The following TRHDE variants were observed in gnomAD, a reference collection of about 807,000 sequenced individuals.
The protein encoded by TRHDE is thyrotropin releasing hormone degrading enzyme, also known as thyrotropin-releasing hormone-degrading ectoenzyme.
Under a neutral mutation model 125.7 loss-of-function variants are expected in TRHDE, and 72 were observed. The ratio of observed to expected loss-of-function variants is 0.57; its 90% CI spans 0.47 to 0.70. TRHDE has a LOEUF of 0.70. Ranked by LOEUF, TRHDE falls within the 30% of genes least tolerant of loss-of-function variation. The probability of loss-of-function intolerance (pLI) is 0.00; values close to 1 mark genes in which losing one functional copy is unlikely to be tolerated. For synonymous variants in TRHDE, 509 were observed against 509.1 expected (o/e 1.00, Z 0.00); for missense variants, 1,110 against 1,327.1 (o/e 0.84, Z 2.54).
At chr12:72,414,818 C>T (rs1873662887) in intron 3 of TRHDE, among the ~76,000 whole-genome samples, 1 of 152,094 alleles carries the variant, frequency 6.6e-6, no homozygotes. Context: ...GATCTCTTTA[C>T]ATACATTAAA....
At chr12:72,632,731 CAAAA>C (rs35575828) in intron 15 of TRHDE, among the ~76,000 whole-genome samples, 2 of 127,470 alleles carry the variant, frequency 1.6e-5, no homozygotes, top group Admixed American at 7.8e-5. Context: ...AACATTGGAC[CAAAA>C]AAAAAAAAAA....
At chr12:72,245,235 T>TTGTGTG (rs760361021) in intron 2 of TRHDE, among the ~76,000 whole-genome samples, 53 of 142,062 alleles carry the variant, frequency 3.7e-4, no homozygotes, top group Non-Finnish European at 1.7e-4. Flanking sequence ...ATATCTATGT[T>TTGTGTG]TGTGTGTATG....
chr12:72,287,420 C>G (rs1407293938), intron 2 of TRHDE, among the ~76,000 whole-genome samples: 1 of 152,122 alleles, frequency 6.6e-6, no homozygotes, highest in Admixed American at 6.6e-5. Flanking sequence ...AATGTTATTG[C>G]TGAGAAAGTA....
chr12:72,498,846 C>G (rs1056785828), intron 5 of TRHDE, among the ~76,000 whole-genome samples: 5 of 152,082 alleles, frequency 3.3e-5, no homozygotes, highest in African/African-American at 9.7e-5. Flanking sequence ...ACCTATTGAT[C>G]TCTACTTTAT....
intron 2 of TRHDE, among the ~76,000 whole-genome samples, chr12:72,235,714 G>A (rs1388463118): frequency 6.6e-6 from 1 of 152,180 alleles, no homozygotes; most frequent in Non-Finnish European, 1.5e-5. Flanking sequence ...GGTAGGCTTA[G>A]GCTGAAGGGT....
chr12:72,505,485 A>G (rs1878319682), intron 6 of TRHDE, among the ~76,000 whole-genome samples: 1 of 152,148 alleles, frequency 6.6e-6, no homozygotes, highest in Admixed American at 6.6e-5. Context: ...TTAAATTTAC[A>G]TATGATGCCA....
In TRHDE at chr12:72,475,160, A is replaced by T. The variant is rs73344498; in HGVS notation, c.1584+1980A>T. 5.6e-3 allele frequency among the ~76,000 whole-genome samples: 859 copies of T among 152,306 alleles called. 7 individuals are homozygous for T. Among genetic ancestry groups the T allele is most frequent in the African/African-American group, 0.019 (809 of 41,578 alleles). On this transcript the variant is annotated intron_variant, in intron 5 of 18. Transcript: ENST00000261180. ...TATATTATTGGAAGTATTCTTTAAAAAACATGTAATTTTAAAATGTAAATG... is the reference window on the plus strand; with the variant it reads ...TATATTATTGGAAGTATTCTTTAAATAACATGTAATTTTAAAATGTAAATG...
At chr12:72,311,062 T>C (rs1215435441) in intron 2 of TRHDE, among the ~76,000 whole-genome samples, 1 of 152,162 alleles carries the variant, frequency 6.6e-6, no homozygotes, top group African/African-American at 2.4e-5. Flanking sequence ...AGGTATATAG[T>C]TCTAAGGATT....
In TRHDE at chr12:72,666,000, TTTATA is replaced by T. The variant is rs1485279524; in HGVS notation, c.*2810_*2814del. ...TAGTTGGGTCATAAACTTGCATTAT[TTTATA>T]TTATCTCCAGGACAATTATATCATA... On this transcript the variant is annotated 3_prime_UTR_variant, in exon 19 of 19. Coordinates refer to ENST00000261180, the MANE Select transcript of TRHDE (RefSeq NM_013381.3). 2.4e-4 allele frequency: 37 copies of T among 152,110 alleles called. No homozygotes were observed. The highest frequency in any genetic ancestry group is 2.0e-3 in the Admixed American group (30 of 15,242). 9.4% of individuals were successfully genotyped at this position (152,110 alleles called of 1,614,324 possible).
chr12:72,429,476 G>T (rs564478831), intron 3 of TRHDE, among the ~76,000 whole-genome samples: 5 of 151,822 alleles, frequency 3.3e-5, no homozygotes, highest in Non-Finnish European at 5.9e-5. Flanking sequence ...TATGAATAAT[G>T]CTGCTATGAA....
At chr12:72,468,115 A>T (rs1477771718) in intron 3 of TRHDE, among the ~76,000 whole-genome samples, 1 of 152,086 alleles carries the variant, frequency 6.6e-6, no homozygotes, top group Non-Finnish European at 1.5e-5. Flanking sequence ...AATGTTTATC[A>T]TTGTTATATG....
At chr12:72,399,508 T>C (rs1872947981) in intron 3 of TRHDE, among the ~76,000 whole-genome samples, 1 of 152,154 alleles carries the variant, frequency 6.6e-6, no homozygotes, top group African/African-American at 2.4e-5. Context: ...ACAGAGATGT[T>C]TTACTTATTA....
intron 1 of TRHDE, among the ~76,000 whole-genome samples, chr12:72,103,162 T>C (rs1358372372): frequency 6.6e-6 from 1 of 152,188 alleles, no homozygotes; most frequent in East Asian, 1.9e-4. Context: ...TTAGGTCTCA[T>C]TTGGAAATGC....
At chr12:72,540,192 G>C (rs1218422631) in intron 6 of TRHDE, among the ~76,000 whole-genome samples, 2 of 151,678 alleles carry the variant, frequency 1.3e-5, no homozygotes, top group African/African-American at 4.8e-5. Flanking sequence ...GAAAAGGCTA[G>C]TTAAACATAG....
intron 15 of TRHDE, among the ~76,000 whole-genome samples, chr12:72,627,847 A>ATT (rs71071845): frequency 9.6e-4 from 138 of 143,784 alleles, no homozygotes; most frequent in Admixed American, 4.1e-3. Context: ...CACCTGGCTA[A>ATT]TTTTTTTTTT....
At chr12:72,355,684 A>G (rs1042212980) in intron 2 of TRHDE, among the ~76,000 whole-genome samples, 1 of 151,950 alleles carries the variant, frequency 6.6e-6, no homozygotes, top group Non-Finnish European at 1.5e-5. Context: ...TCCAGTATCT[A>G]CAAGGAACTT....
chr12:72,666,715 TAC>T lies in TRHDE; in HGVS notation c.*3524_*3525del. The T allele has an allele frequency of 6.6e-6, 1 of 152,208 alleles. No individual in the cohort carries two copies. The highest frequency in any genetic ancestry group is 2.1e-4 in the South Asian group (1 of 4,824). The allele number at this position is 152,208 out of a possible 1,614,324, so 9.4% of individuals were successfully genotyped here. A position where few individuals can be genotyped will look rare whatever the true frequency, so the allele number is the denominator to read the frequency against. ...TCCAAATACTAGACCAGCATCAAAA[TAC>T]ACAGTTAAATATATTTGCAATAATT... On this transcript the variant is annotated 3_prime_UTR_variant, in exon 19 of 19. Coordinates refer to ENST00000261180, the MANE Select transcript of TRHDE (RefSeq NM_013381.3).
At chr12:72,238,281 TATATATA>T (rs1565669797) in intron 2 of TRHDE, among the ~76,000 whole-genome samples, 4 of 14,796 alleles carry the variant, frequency 2.7e-4, no homozygotes, top group African/African-American at 1.3e-3. Flanking sequence ...CCTTAATATA[TATATATA>T]TATATATATA....
chr12:72,174,574 C>G (rs1876947314), intron 2 of TRHDE, among the ~76,000 whole-genome samples: 1 of 152,060 alleles, frequency 6.6e-6, no homozygotes, highest in African/African-American at 2.4e-5. Flanking sequence ...ATCTGGAACT[C>G]TTCCTTAGCC....
Sources: allele counts gnomAD v4.1 joint callset (sites outside exome capture counted in the v4.1 genomes callset), GRCh38; gene constraint gnomAD v4.1.1; transcripts MANE v1.5; gene names NCBI Gene and HGNC (gene_info 2026-07-23, HGNC 2026-07-21).